Variants in CRY1 observed in about 807,000 individuals in gnomAD.
CRY1 encodes the protein cryptochrome circadian regulator 1.
A neutral mutation model predicts 76.0 loss-of-function variants in CRY1; 45 were observed. The ratio of observed to expected loss-of-function variants is 0.59; its 90% CI spans 0.47 to 0.76. CRY1 has a LOEUF of 0.76. Ranked by LOEUF, CRY1 falls within the 30% of genes least tolerant of loss-of-function variation. The pLI is 0.00. For synonymous variants in CRY1, 248 were observed against 244.0 expected (o/e 1.02, Z -0.15); for missense variants, 587 against 716.4 (o/e 0.82, Z 2.06).
At chr12:107,047,754 G>A (rs533545737) in intron 1 of CRY1, among the ~76,000 whole-genome samples, 1 of 152,098 alleles carries the variant, frequency 6.6e-6, no homozygotes, top group African/African-American at 2.4e-5. Context: ...CCAGTCTCAG[G>A]TATTTCTTCA....
intron 1 of CRY1, among the ~76,000 whole-genome samples, chr12:107,069,041 T>G (rs1381787820): frequency 6.6e-6 from 1 of 152,188 alleles, no homozygotes; most frequent in African/African-American, 2.4e-5. Context: ...GTATAAGTTT[T>G]TGTTAGAATG....
intron 1 of CRY1, among the ~76,000 whole-genome samples, chr12:107,047,901 C>A (rs1173351795): frequency 2.6e-5 from 4 of 151,548 alleles, no homozygotes; most frequent in Admixed American, 6.6e-5. Context: ...GAGAAAAAAA[C>A]CAATCAAGGT....
At chr12:107,001,143 G>A (rs555735069) in intron 5 of CRY1, 137 bp downstream of exon 5, 3 of 626,166 alleles carry the variant, frequency 4.8e-6, no homozygotes, top group Non-Finnish European at 8.3e-6. Context: ...CAAACAATTA[G>A]GTTTGTGCTA....
At chr12:107,089,060 A>G (rs556467624) in intron 1 of CRY1, among the ~76,000 whole-genome samples, 2 of 152,342 alleles carry the variant, frequency 1.3e-5, no homozygotes, top group African/African-American at 4.8e-5. Context: ...TCATACATGT[A>G]GCGTATATCA....
chr12:106,993,191 T>C (rs1952198915), intron 10 of CRY1, among the ~76,000 whole-genome samples, 155 bp from the exon 11 acceptor site: 1 of 152,094 alleles, frequency 6.6e-6, no homozygotes, highest in South Asian at 2.1e-4. Flanking sequence ...AAAAATCACA[T>C]GCTCAAACCA....
At chr12:107,020,428 C>T (rs1282777151) in intron 2 of CRY1, among the ~76,000 whole-genome samples, 1 of 152,140 alleles carries the variant, frequency 6.6e-6, no homozygotes, top group East Asian at 1.9e-4. Flanking sequence ...GAATTATAAT[C>T]GCCAATGTTG....
At chr12:107,092,767 A>T in intron 1 of CRY1, 37 bp downstream of exon 1, 1 of 1,608,766 alleles carries the variant, frequency 6.2e-7, no homozygotes. Flanking sequence ...AGACTCATTA[A>T]ACACCCAAAT....
intron 1 of CRY1, among the ~76,000 whole-genome samples, chr12:107,034,763 A>G (rs866914816): frequency 2.2e-4 from 33 of 152,198 alleles, no homozygotes; most frequent in Admixed American, 3.9e-4. Context: ...GAAGAAGCAA[A>G]ACCATGATTA....
At position 107,002,998 on chromosome 12, in the gene CRY1, G is replaced by A. The variant is rs534804441; in HGVS notation, c.411-1050C>T. On this transcript the variant is annotated intron_variant, in intron 3 of 12. Transcript: ENST00000008527. ...TTTCTTTTGTAAATTGCCCAGTCTC[G>A]GGTATGTCTTTATCAGCATCGTGAA... Among the ~76,000 whole-genome samples the A allele has an allele frequency of 5.9e-5, 9 of 152,210 alleles. No homozygotes were observed. The East Asian group carries it at 1.5e-3, about 26-fold the overall frequency.
intron 2 of CRY1, among the ~76,000 whole-genome samples, chr12:107,017,308 C>T (rs190840204): frequency 7.2e-5 from 11 of 152,374 alleles, no homozygotes; most frequent in Admixed American, 6.5e-4. Flanking sequence ...ATGTCTACTT[C>T]AAGGCCTTTG....
At chr12:107,088,341 G>T (rs1438326258) in intron 1 of CRY1, among the ~76,000 whole-genome samples, 3 of 152,150 alleles carry the variant, frequency 2.0e-5, no homozygotes, top group African/African-American at 7.2e-5. Flanking sequence ...CTTCCATCAT[G>T]ATTAAAAGCT....
At chr12:107,020,666 C>T (rs1217249587) in intron 2 of CRY1, among the ~76,000 whole-genome samples, 1 of 152,056 alleles carries the variant, frequency 6.6e-6, no homozygotes, top group Non-Finnish European at 1.5e-5. Flanking sequence ...TGAGGCCTTC[C>T]CAGAAGCCAC....
At chr12:107,081,386 G>T (rs565593211) in intron 1 of CRY1, among the ~76,000 whole-genome samples, 22 of 152,060 alleles carry the variant, frequency 1.4e-4, no homozygotes, top group African/African-American at 5.3e-4. Context: ...CCACTATGCT[G>T]TGGAGAACAC....
intron 2 of CRY1, among the ~76,000 whole-genome samples, chr12:107,014,828 G>A (rs1337971189): frequency 6.6e-6 from 1 of 152,106 alleles, no homozygotes; most frequent in East Asian, 1.9e-4. Context: ...GTAGAATGGT[G>A]TAGCATTAGG....
At chr12:107,060,261 G>A (rs1445981179) in intron 1 of CRY1, among the ~76,000 whole-genome samples, 1 of 152,180 alleles carries the variant, frequency 6.6e-6, no homozygotes, top group African/African-American at 2.4e-5. Flanking sequence ...GTTCAGAAGT[G>A]GGACCTTTAA....
intron 1 of CRY1, among the ~76,000 whole-genome samples, chr12:107,041,671 T>C (rs1952801275): frequency 6.6e-6 from 1 of 152,092 alleles, no homozygotes; most frequent in South Asian, 2.1e-4. Flanking sequence ...AAATGAAGTA[T>C]GTTCAACATG....
chr12:107,084,892 A>T (rs983144791), intron 1 of CRY1, among the ~76,000 whole-genome samples: 4 of 152,142 alleles, frequency 2.6e-5, no homozygotes, highest in African/African-American at 4.8e-5. Context: ...GACAACCTAT[A>T]GAATGGGAGA....
In CRY1 at chr12:107,092,845, G is replaced by C. The variant is rs374637465; in HGVS notation, c.117C>G (p.Pro39=). ...CCACATTGGAGGAGCCGGCGAACCA[G>C]GGGTCCAGGATGTAGACGCAGCGGA... ...DTIRCVYILD[P]WFAGSSNVGI... The change falls in exon 1 of 13, where the codon CCC becomes CCG. Residue 39 remains proline (P), a synonymous_variant. Transcript: ENST00000008527. The C allele has an allele frequency of 3.1e-6, 5 of 1,611,510 alleles. No individual in the cohort carries two copies. The highest frequency in any genetic ancestry group is 4.2e-6 in the Non-Finnish European group (5 of 1,179,782).
chr12:107,018,398 G>A (rs1245882210), intron 2 of CRY1, among the ~76,000 whole-genome samples: 4 of 152,070 alleles, frequency 2.6e-5, no homozygotes, highest in East Asian at 1.9e-4. Context: ...GACCAGTCTG[G>A]CCAATTGGCG....
Sources: allele counts gnomAD v4.1 joint callset (sites outside exome capture counted in the v4.1 genomes callset), GRCh38; gene constraint gnomAD v4.1.1; transcripts MANE v1.5; gene names NCBI Gene and HGNC (gene_info 2026-07-23, HGNC 2026-07-21).